Variants in DTNB observed in about 807,000 individuals in gnomAD.
DTNB encodes DTN-B.
Under a neutral mutation model 90.7 loss-of-function variants are expected in DTNB, and 63 were observed. The ratio of observed to expected loss-of-function variants is 0.69; its 90% CI spans 0.57 to 0.86. The LOEUF (loss-of-function observed/expected upper bound fraction) is 0.86, where lower values mean the gene tolerates loss of function less well. Among genes scored for constraint, DTNB ranks in the 40% least tolerant of loss-of-function variants. DTNB has a pLI of 0.00. For missense variants in DTNB, 744 were observed against 807.1 expected (o/e 0.92, Z 0.95); for synonymous variants, 277 against 286.7 (o/e 0.97, Z 0.34).
chr2:25,526,395 A>ATATATATATATATATATATATATTT, intron 9 of DTNB, among the ~76,000 whole-genome samples: 1 of 49,858 alleles, frequency 2.0e-5, no homozygotes, highest in East Asian at 7.6e-4. Flanking sequence ...ATATATATAT[A>ATATATATATATATATATATATATTT]TTTTTTTTTT....
intron 8 of DTNB, among the ~76,000 whole-genome samples, chr2:25,545,368 T>G (rs2082191882): frequency 6.6e-6 from 1 of 152,186 alleles, no homozygotes; most frequent in Non-Finnish European, 1.5e-5. Context: ...TGTTTTGTGA[T>G]TGGGTTTGCA....
In DTNB at chr2:25,580,756, A is replaced by G. The variant is rs1370709180; in HGVS notation, c.674T>C (p.Leu225Pro). Residue 225 changes from leucine to proline, a missense_variant, in exon 7 of 21, where the codon CTA (leucine) becomes CCA (proline). Physicochemically the swap from Leu to Pro is moderately conservative, Grantham distance 98 (BLOSUM62 -3). Transcript: ENST00000406818. ...ATGGGCAAGCCTGTGCATGAGAGGT[A>G]GCCAGACAAGGCACTGGGGAGGAGG... ...ADPPPQCLVWLPLMHRLAHVE... is the reference protein window; with the variant it reads ...ADPPPQCLVWPPLMHRLAHVE... The G allele has an allele frequency of 6.2e-7, 1 of 1,613,652 alleles. No individual in the cohort carries two copies. The highest frequency in any genetic ancestry group is 1.1e-5 in the South Asian group (1 of 91,084).
chr2:25,570,404 CTCAAAAAAAA>C (rs1305437944), intron 8 of DTNB, among the ~76,000 whole-genome samples: 1 of 54,754 alleles, frequency 1.8e-5, no homozygotes, highest in Non-Finnish European at 2.9e-5. Context: ...GGTTTCCTGT[CTCAAAAAAAA>C]AAAAAAAAAA....
At chr2:25,411,664 C>T (rs115195788) in intron 16 of DTNB, among the ~76,000 whole-genome samples, 89 of 152,276 alleles carry the variant, frequency 5.8e-4, no homozygotes, top group Non-Finnish European at 1.2e-3. Flanking sequence ...TTAGGAGGGC[C>T]GCAGTGGTGC....
chr2:25,523,949 T>C (rs1417285373), intron 9 of DTNB, among the ~76,000 whole-genome samples: 5 of 150,338 alleles, frequency 3.3e-5, no homozygotes, highest in Admixed American at 2.7e-4. Flanking sequence ...TTGCCCAAGC[T>C]GGAGTGCAAT....
At chr2:25,431,326 C>A (rs759593311) in intron 14 of DTNB, among the ~76,000 whole-genome samples, 2 of 152,078 alleles carry the variant, frequency 1.3e-5, no homozygotes, top group Non-Finnish European at 2.9e-5. Flanking sequence ...CTCAGCCTCC[C>A]GAGTCTTCTA....
chr2:25,448,564 G>A (rs531115919), intron 12 of DTNB, among the ~76,000 whole-genome samples: 1 of 152,236 alleles, frequency 6.6e-6, no homozygotes, highest in Admixed American at 6.5e-5. Context: ...TAGATCTTAA[G>A]TATTCCATTG....
chr2:25,498,512 C>T (rs534153933), intron 9 of DTNB, among the ~76,000 whole-genome samples: 5 of 152,212 alleles, frequency 3.3e-5, no homozygotes, highest in African/African-American at 1.2e-4. Context: ...GGACACAGTG[C>T]AGAATGTGAA....
intron 1 of DTNB, among the ~76,000 whole-genome samples, chr2:25,673,171 C>A (rs1287840296): frequency 6.6e-6 from 1 of 151,668 alleles, no homozygotes; most frequent in Non-Finnish European, 1.5e-5. Context: ...CTCTGCCTGT[C>A]CCTCCGGGGC....
intron 4 of DTNB, among the ~76,000 whole-genome samples, chr2:25,612,326 A>G (rs924689781): frequency 6.6e-6 from 1 of 152,160 alleles, no homozygotes; most frequent in African/African-American, 2.4e-5. Flanking sequence ...AAAATAATAT[A>G]TTTGTTTGCA....
intron 19 of DTNB, among the ~76,000 whole-genome samples, chr2:25,382,005 T>A (rs2037928903): frequency 6.6e-6 from 1 of 152,174 alleles, no homozygotes; most frequent in Non-Finnish European, 1.5e-5. Context: ...CTTCCTTAAG[T>A]AAGACCACTC....
At chr2:25,468,382 T>G (rs1460302470) in intron 10 of DTNB, among the ~76,000 whole-genome samples, 1 of 152,158 alleles carries the variant, frequency 6.6e-6, no homozygotes, top group African/African-American at 2.4e-5. Flanking sequence ...AACAGGACCA[T>G]TCCAGGCTGC....
At chr2:25,414,608 T>G (rs1475185189) in intron 16 of DTNB, among the ~76,000 whole-genome samples, 1 of 152,110 alleles carries the variant, frequency 6.6e-6, no homozygotes, top group Admixed American at 6.5e-5. Context: ...TGGATCTATC[T>G]GGGAGTGCCT....
chr2:25,558,223 G>C, intron 8 of DTNB: 1 of 985,416 alleles, frequency 1.0e-6, no homozygotes, highest in Non-Finnish European at 1.2e-6. Flanking sequence ...TAGAGAAAGA[G>C]TTCAACCCTA....
intron 9 of DTNB, among the ~76,000 whole-genome samples, chr2:25,514,078 A>G (rs2074505015): frequency 6.6e-6 from 1 of 152,140 alleles, no homozygotes; most frequent in Admixed American, 6.6e-5. Flanking sequence ...TACAAAAATG[A>G]ATTTTTAAAA....
chr2:25,497,956 C>T (rs1034141078), intron 9 of DTNB, among the ~76,000 whole-genome samples: 17 of 152,060 alleles, frequency 1.1e-4, no homozygotes, highest in Admixed American at 7.2e-4. Context: ...TCCTAAGCAC[C>T]GCTCTCATCA....
intron 10 of DTNB, among the ~76,000 whole-genome samples, chr2:25,470,266 C>G (rs1023192119): frequency 5.3e-5 from 8 of 152,104 alleles, no homozygotes; most frequent in Non-Finnish European, 1.0e-4. Flanking sequence ...ACCCGAACAC[C>G]CAGAATAATC....
intron 16 of DTNB, among the ~76,000 whole-genome samples, chr2:25,393,463 G>T (rs1196789053): frequency 1.3e-5 from 2 of 152,138 alleles, no homozygotes; most frequent in African/African-American, 2.4e-5. Context: ...CTGATTATAT[G>T]ATTGTATACC....
At chr2:25,662,939 G>C (rs1366576955) in intron 1 of DTNB, among the ~76,000 whole-genome samples, 1 of 152,090 alleles carries the variant, frequency 6.6e-6, no homozygotes, top group East Asian at 1.9e-4. Flanking sequence ...TACATGTGCA[G>C]AACGTGCAGG....
Sources: gnomAD v4.1 joint callset for allele counts (sites outside exome capture counted in the v4.1 genomes callset) on GRCh38, gnomAD v4.1.1 for gene constraint, MANE v1.5 for transcripts, NCBI Gene and HGNC (gene_info 2026-07-23, HGNC 2026-07-21) for gene names.